The following SPATA13 variants were observed in gnomAD, a reference collection of about 807,000 sequenced individuals.
SPATA13 encodes spermatogenesis associated 13.
A neutral mutation model predicts 104.0 loss-of-function variants in SPATA13; 50 were observed. The ratio of observed to expected loss-of-function variants is 0.48; its 90% CI spans 0.38 to 0.61. The LOEUF (loss-of-function observed/expected upper bound fraction) is 0.61, where lower values mean the gene tolerates loss of function less well. SPATA13 is among the 20% of genes least tolerant of loss of function. The pLI is 0.00. For missense variants in SPATA13, 1,524 were observed against 1,690.6 expected (o/e 0.90, Z 1.73); for synonymous variants, 606 against 667.5 (o/e 0.91, Z 1.42).
chr13:24,230,121 G>GA (rs1160327107), intron 2 of SPATA13, among the ~76,000 whole-genome samples: 1 of 152,194 alleles, frequency 6.6e-6, no homozygotes, highest in African/African-American at 2.4e-5. Flanking sequence ...GAGAGAACAG[G>GA]AAGTAATGTA....
intron 4 of SPATA13, among the ~76,000 whole-genome samples, chr13:24,271,513 G>A (rs1380760470): frequency 6.6e-6 from 1 of 152,130 alleles, no homozygotes; most frequent in Non-Finnish European, 1.5e-5. Context: ...GTATTTCTGT[G>A]AGTATTGTCT....
At chr13:24,049,072 A>T (rs780876655) in intron 3 of SPATA13, among the ~76,000 whole-genome samples, 9 of 152,234 alleles carry the variant, frequency 5.9e-5, no homozygotes, top group Non-Finnish European at 1.3e-4. Context: ...GGTTAAAAAG[A>T]TAAGAAATGT....
At chr13:24,277,293 A>T (rs1038534291) in intron 4 of SPATA13, among the ~76,000 whole-genome samples, 3 of 151,882 alleles carry the variant, frequency 2.0e-5, no homozygotes, top group Non-Finnish European at 4.4e-5. Context: ...AAATACAAAA[A>T]ATTAGCTGGG....
intron 2 of SPATA13, among the ~76,000 whole-genome samples, chr13:24,246,664 T>C (rs538443764): frequency 7.9e-5 from 12 of 152,174 alleles, no homozygotes; most frequent in East Asian, 3.9e-4. Context: ...TCGAGACCAT[T>C]CTGGCCAACA....
At chr13:24,049,488 G>A (rs936534101) in intron 3 of SPATA13, among the ~76,000 whole-genome samples, 5 of 152,086 alleles carry the variant, frequency 3.3e-5, no homozygotes, top group African/African-American at 9.7e-5. Context: ...CAACAACATC[G>A]CCTACATTTC....
At chr13:24,104,870 C>T (rs916748425) in intron 3 of SPATA13, among the ~76,000 whole-genome samples, 5 of 152,218 alleles carry the variant, frequency 3.3e-5, no homozygotes, top group African/African-American at 7.2e-5. Flanking sequence ...CCCAGCTCCT[C>T]GCCAGAGGCC....
At chr13:24,168,793 T>A (rs1882844649) in intron 1 of SPATA13, among the ~76,000 whole-genome samples, 1 of 152,178 alleles carries the variant, frequency 6.6e-6, no homozygotes, top group Non-Finnish European at 1.5e-5. Context: ...TTCAGTGATA[T>A]TCAAAAGTAT....
chr13:24,087,694 T>G (rs9553164), intron 3 of SPATA13, among the ~76,000 whole-genome samples: 88,649 of 152,020 alleles, frequency 0.58, 26,334 homozygotes, highest in African/African-American at 0.65. Context: ...ACACACACGC[T>G]TCTCTAGGTC....
Position 24,173,494 on chromosome 13 carries a change from TC to T in SPATA13, c.-112+12569del, listed in dbSNP as rs573919679. Among the ~76,000 whole-genome samples the T allele has an allele frequency of 2.2e-3, 315 of 145,290 alleles. 2 individuals carry two copies. The highest frequency in any genetic ancestry group is 7.7e-3 in the African/African-American group (298 of 38,608). On this transcript the variant is annotated intron_variant, in intron 1 of 12. Coordinates refer to ENST00000382108, the MANE Select transcript of SPATA13 (RefSeq NM_001166271.3). ...TCTTTCCCATCCATACGCCTTTTAT[TC>T]CCCCCCGTCCCCCAACTTTTTTTTT...
At chr13:24,029,383 T>TA (rs1877374688) in intron 3 of SPATA13, among the ~76,000 whole-genome samples, 1 of 152,190 alleles carries the variant, frequency 6.6e-6, no homozygotes, top group Admixed American at 6.5e-5. Context: ...ACAAATAGTG[T>TA]GAAATCAAGA....
intron 3 of SPATA13, among the ~76,000 whole-genome samples, chr13:24,038,107 G>A (rs1286918243): frequency 6.6e-6 from 1 of 151,858 alleles, no homozygotes; most frequent in African/African-American, 2.4e-5. Flanking sequence ...TAGAGACGGG[G>A]TTTCACCGTG....
At chr13:24,203,787 C>T (rs142861686) in intron 1 of SPATA13, among the ~76,000 whole-genome samples, 1 of 152,162 alleles carries the variant, frequency 6.6e-6, no homozygotes, top group Non-Finnish European at 1.5e-5. Context: ...TTTGTAGTCT[C>T]TCCCACAGAA....
At chr13:24,277,180 T>C (rs111779175) in intron 4 of SPATA13, among the ~76,000 whole-genome samples, 1,667 of 152,088 alleles carry the variant, frequency 0.011, 30 homozygotes, top group East Asian at 0.063. Context: ...CGCGGTGGCT[T>C]ACGCCTGTAA....
At chr13:24,254,657 T>A (rs1335515834) in intron 4 of SPATA13, among the ~76,000 whole-genome samples, 1 of 152,124 alleles carries the variant, frequency 6.6e-6, no homozygotes, top group African/African-American at 2.4e-5. Context: ...ACCCCCTCTA[T>A]TATGAAAAGG....
At chr13:24,297,904 A>G (rs1257160488) in intron 11 of SPATA13, among the ~76,000 whole-genome samples, 169 bp downstream of exon 11, 2 of 152,228 alleles carry the variant, frequency 1.3e-5, no homozygotes, top group East Asian at 1.9e-4. Context: ...TGCACTTACA[A>G]GACAGACCAT....
At chr13:24,099,108 A>G (rs766557479) in intron 3 of SPATA13, among the ~76,000 whole-genome samples, 2 of 152,038 alleles carry the variant, frequency 1.3e-5, no homozygotes, top group Non-Finnish European at 2.9e-5. Flanking sequence ...AATAAAAAGA[A>G]TCTTTAAAAA....
intron 2 of SPATA13, among the ~76,000 whole-genome samples, chr13:24,246,568 A>G (rs1344101787): frequency 1.3e-5 from 2 of 152,170 alleles, no homozygotes; most frequent in Non-Finnish European, 2.9e-5. Flanking sequence ...TCATAGAAAA[A>G]TGTGACTCAG....
At chr13:24,076,531 C>T (rs888772926) in intron 3 of SPATA13, among the ~76,000 whole-genome samples, 4 of 151,948 alleles carry the variant, frequency 2.6e-5, no homozygotes, top group African/African-American at 9.7e-5. Flanking sequence ...CAAAGCTCCT[C>T]GTTAACTGAG....
At chr13:24,266,441 A>G (rs1369298353) in intron 4 of SPATA13, among the ~76,000 whole-genome samples, 1 of 152,032 alleles carries the variant, frequency 6.6e-6, no homozygotes, top group East Asian at 1.9e-4. Context: ...TGTGTCACCA[A>G]GCTGGGCTAA....
Sources: allele counts gnomAD v4.1 joint callset (sites outside exome capture counted in the v4.1 genomes callset), GRCh38; gene constraint gnomAD v4.1.1; transcripts MANE v1.5; gene names NCBI Gene and HGNC (gene_info 2026-07-23, HGNC 2026-07-21).